The following KANSL1 variants were observed in gnomAD, a reference collection of about 807,000 sequenced individuals.
The protein encoded by KANSL1 is KAT8 regulatory NSL complex subunit 1, also known as MLL1/MLL complex subunit KANSL1.
Under a neutral mutation model 103.6 loss-of-function variants are expected in KANSL1, and 22 were observed. That is an observed-to-expected ratio of 0.21 (90% confidence interval 0.15 to 0.30). The LOEUF (loss-of-function observed/expected upper bound fraction) is 0.30, where lower values mean the gene tolerates loss of function less well. Ranked by LOEUF, KANSL1 falls within the 10% of genes least tolerant of loss-of-function variation. The pLI is 1.00. For missense variants in KANSL1, 1,337 were observed against 1,399.8 expected (o/e 0.96, Z 0.72); for synonymous variants, 600 against 527.6 (o/e 1.14, Z -1.88).
chr17:46,128,395 C>T (rs1567707107), intron 2 of KANSL1, among the ~76,000 whole-genome samples: 1 of 151,984 alleles, frequency 6.6e-6, no homozygotes, highest in Non-Finnish European at 1.5e-5. Context: ...AAGGCAAAGC[C>T]CCTAACAGGA....
At chr17:46,204,737 C>T (rs2047909094) in intron 1 of KANSL1, among the ~76,000 whole-genome samples, 1 of 152,190 alleles carries the variant, frequency 6.6e-6, no homozygotes. Context: ...TATTAAAAGG[C>T]TTATACACCA....
intron 6 of KANSL1, 79 bp from the exon 7 acceptor site, chr17:46,050,783 ATTGAGAAGTTAGC>A: frequency 1.5e-6 from 2 of 1,328,800 alleles, no homozygotes; most frequent in Non-Finnish European, 2.1e-6. Flanking sequence ...CCCATTTGTT[ATTGAGAAGTTAGC>A]TCCCCATTTG....
At chr17:46,210,366 G>T (rs774470646) in intron 1 of KANSL1, among the ~76,000 whole-genome samples, 1 of 151,888 alleles carries the variant, frequency 6.6e-6, no homozygotes, top group Non-Finnish European at 1.5e-5. Context: ...ATAGCTACTC[G>T]GGAGGCTGAG....
chr17:46,154,602 G>C (rs2147531039), intron 2 of KANSL1, among the ~76,000 whole-genome samples: 1 of 152,316 alleles, frequency 6.6e-6, no homozygotes, highest in South Asian at 2.1e-4. Context: ...ATTATAAAAA[G>C]AGAGAGAATG....
At chr17:46,050,469 T>C in intron 7 of KANSL1, 64 bp downstream of exon 7, 1 of 1,505,722 alleles carries the variant, frequency 6.6e-7, no homozygotes, top group Admixed American at 1.9e-5. Flanking sequence ...TTGGCTGATT[T>C]TCTTTCACCT....
intron 1 of KANSL1, among the ~76,000 whole-genome samples, chr17:46,186,451 G>A (rs966843324): frequency 4.6e-5 from 7 of 151,670 alleles, no homozygotes; most frequent in South Asian, 2.1e-4. Context: ...AAATTCCTGA[G>A]TTCCCACTGA....
chr17:46,031,930 G>T, intron 14 of KANSL1, 117 bp downstream of exon 14: 1 of 1,414,750 alleles, frequency 7.1e-7, no homozygotes, highest in Non-Finnish European at 9.8e-7. Context: ...TTTAAGTGCA[G>T]CCCTTTGTCC....
chr17:46,100,734 A>G (rs987645802), intron 2 of KANSL1, among the ~76,000 whole-genome samples: 11 of 152,360 alleles, frequency 7.2e-5, no homozygotes, highest in East Asian at 1.9e-4. Flanking sequence ...ACCTAATTCT[A>G]TTCTAAGATG....
intron 6 of KANSL1, among the ~76,000 whole-genome samples, chr17:46,059,647 A>AAGAGAG (rs56065215): frequency 0.018 from 990 of 54,860 alleles, 32 homozygotes; most frequent in African/African-American, 0.038. Flanking sequence ...AAAAAAAAAA[A>AAGAGAG]AGAGAGAGAG....
At chr17:46,129,280 C>G (rs10514903) in intron 2 of KANSL1, among the ~76,000 whole-genome samples, 21,656 of 151,892 alleles carry the variant, frequency 0.14, 2,121 homozygotes, top group Non-Finnish European at 0.22. Flanking sequence ...CTGGCAAATA[C>G]TGGTACGATG....
At chr17:46,149,042 G>A (rs532002948) in intron 2 of KANSL1, among the ~76,000 whole-genome samples, 5 of 133,216 alleles carry the variant, frequency 3.8e-5, no homozygotes, top group South Asian at 2.2e-4. Context: ...TCGCTCTATC[G>A]CCCAGGCTGG....
chr17:46,118,961 C>T (rs1016130893), intron 2 of KANSL1, among the ~76,000 whole-genome samples: 1 of 152,192 alleles, frequency 6.6e-6, no homozygotes, highest in African/African-American at 2.4e-5. Context: ...GATAAAATAA[C>T]AGGGGTAAAC....
intron 1 of KANSL1, among the ~76,000 whole-genome samples, chr17:46,191,747 C>T (rs933931176): frequency 6.6e-6 from 1 of 152,174 alleles, no homozygotes; most frequent in Non-Finnish European, 1.5e-5. Context: ...TAAACACACA[C>T]CCCAAAACAA....
At chr17:46,173,500 G>T (rs949912244) in intron 1 of KANSL1, among the ~76,000 whole-genome samples, 3 of 152,214 alleles carry the variant, frequency 2.0e-5, no homozygotes, top group Admixed American at 2.0e-4. Flanking sequence ...CATACGTAAA[G>T]AACTAAGCCA....
intron 3 of KANSL1, among the ~76,000 whole-genome samples, chr17:46,084,381 C>CCAACAACAACAA (rs74515016): frequency 6.6e-6 from 1 of 151,218 alleles, no homozygotes; most frequent in Non-Finnish European, 1.5e-5. Context: ...GGCTCTATCT[C>CCAACAACAACAA]CAACAACAAC....
At chr17:46,046,697 C>T (rs1225967750) in intron 7 of KANSL1, among the ~76,000 whole-genome samples, 6 of 151,480 alleles carry the variant, frequency 4.0e-5, no homozygotes, top group African/African-American at 7.3e-5. Flanking sequence ...ATTAGCCGGG[C>T]GTGGTGGCGC....
intron 2 of KANSL1, among the ~76,000 whole-genome samples, chr17:46,116,015 C>A (rs968428894): frequency 6.6e-6 from 1 of 152,200 alleles, no homozygotes; most frequent in African/African-American, 2.4e-5. Flanking sequence ...TTTTATAACT[C>A]ATGTTACTAA....
intron 1 of KANSL1, among the ~76,000 whole-genome samples, chr17:46,191,866 T>C (rs1597931935): frequency 6.6e-6 from 1 of 152,320 alleles, no homozygotes; most frequent in African/African-American, 2.4e-5. Context: ...TTCTCGGAAC[T>C]TTGGGGACCG....
rs1208167600 is a variant in KANSL1, at chr17:46,030,147, G to C, written c.*1329C>G. 7.0e-6 allele frequency: 1 copy of C among 141,958 alleles called. No individual in the cohort carries two copies. 8.8% of individuals were successfully genotyped at this position (141,958 alleles called of 1,614,324 possible). ...TTTTTTTTTTCCATTTTTTGTTTTT[G>C]TTTTTTTTTTCAATGCTAAAAGGGT... On this transcript the variant is annotated 3_prime_UTR_variant, in exon 15 of 15. Transcript: ENST00000432791.
Sources: gnomAD v4.1 joint callset for allele counts (sites outside exome capture counted in the v4.1 genomes callset) on GRCh38, gnomAD v4.1.1 for gene constraint, MANE v1.5 for transcripts, NCBI Gene and HGNC (gene_info 2026-07-23, HGNC 2026-07-21) for gene names.